The following PTGFRN variants were observed in gnomAD, a reference collection of about 807,000 sequenced individuals.
PTGFRN encodes prostaglandin F2 receptor negative regulator.
In PTGFRN, 35 loss-of-function variants were observed where a neutral mutation model predicts 83.2. The ratio of observed to expected loss-of-function variants is 0.42; its 90% CI spans 0.32 to 0.56. The LOEUF (loss-of-function observed/expected upper bound fraction) is 0.56, where lower values mean the gene tolerates loss of function less well. PTGFRN is among the 20% of genes least tolerant of loss of function. PTGFRN has a pLI of 0.11. For synonymous variants in PTGFRN, 519 were observed against 498.6 expected, an observed-to-expected ratio of 1.04 and a Z score of -0.55; for missense variants, 1,051 against 1,179.5, an observed-to-expected ratio of 0.89 and a Z score of 1.60.
intron 3 of PTGFRN, among the ~76,000 whole-genome samples, chr1:116,947,029 A>G (rs1175088938): frequency 1.3e-5 from 2 of 152,190 alleles, no homozygotes; most frequent in South Asian, 2.1e-4. Context: ...GAGATGCTAT[A>G]TTTCAGGTAC....
At position 116,961,564 on chromosome 1, in the gene PTGFRN, A is replaced by C. The variant is rs767384600; in HGVS notation, c.1535A>C (p.Asn512Thr). 1 of 1,614,206 alleles carries C rather than the reference A, an allele frequency of 6.2e-7. No individual in the cohort carries two copies. Among genetic ancestry groups the C allele is most frequent in the Non-Finnish European group, 8.5e-7 (1 of 1,180,036 alleles). Residue 512 changes from asparagine to threonine, a missense_variant, in exon 5 of 9, where the codon AAT becomes ACT. Coordinates refer to ENST00000393203, the MANE Select transcript of PTGFRN (RefSeq NM_020440.4). This position sits in a 1 kb window ranked among gnomAD's most constrained non-coding sequence, Gnocchi z 5.4. The stretch of plus-strand genomic sequence containing the variant: ...AGGACTACAGAGGAAGACAGAGGCA[A>C]TTATTACTGTGTTGTGTCTGCCTGG... ...IQRTTEEDRGNYYCVVSAWTK... is the reference protein window; with the variant it reads ...IQRTTEEDRGTYYCVVSAWTK...
intron 1 of PTGFRN, among the ~76,000 whole-genome samples, chr1:116,932,201 A>C (rs1649818338): frequency 6.6e-6 from 1 of 152,268 alleles, no homozygotes; most frequent in Non-Finnish European, 1.5e-5. Context: ...AAGCATAGAT[A>C]AATGAAGTGT....
At chr1:116,956,596 T>G (rs181343424) in intron 4 of PTGFRN, among the ~76,000 whole-genome samples, 103 of 152,092 alleles carry the variant, frequency 6.8e-4, no homozygotes, top group African/African-American at 2.3e-3. Flanking sequence ...TAGGGAATGG[T>G]GAGAGGTGCC....
intron 1 of PTGFRN, among the ~76,000 whole-genome samples, chr1:116,926,185 G>A (rs1310030115): frequency 6.6e-6 from 1 of 152,230 alleles, no homozygotes; most frequent in Non-Finnish European, 1.5e-5. Flanking sequence ...GAGTCGGGTT[G>A]GTGGGGAGTT....
At chr1:116,916,085 A>G (rs1465495569) in intron 1 of PTGFRN, among the ~76,000 whole-genome samples, 1 of 152,168 alleles carries the variant, frequency 6.6e-6, no homozygotes, top group Non-Finnish European at 1.5e-5. Flanking sequence ...GGCTCTGTGC[A>G]TTCGCTTGTG....
At chr1:116,950,560 T>G (rs192908858) in intron 4 of PTGFRN, among the ~76,000 whole-genome samples, 6 of 152,334 alleles carry the variant, frequency 3.9e-5, no homozygotes, top group Non-Finnish European at 7.3e-5. Flanking sequence ...CTGATTCTTC[T>G]GCTATGACCT....
At chr1:116,919,034 G>A (rs1260872971) in intron 1 of PTGFRN, among the ~76,000 whole-genome samples, 1 of 152,178 alleles carries the variant, frequency 6.6e-6, no homozygotes, top group Non-Finnish European at 1.5e-5. Context: ...AAAGTAGGAG[G>A]TGAGGATCAA....
intron 1 of PTGFRN, among the ~76,000 whole-genome samples, chr1:116,916,231 T>C (rs1457006632): frequency 6.6e-6 from 1 of 152,214 alleles, no homozygotes; most frequent in African/African-American, 2.4e-5. Flanking sequence ...TGTGAAAATA[T>C]TTACCTCACT....
chr1:116,925,627 T>C (rs1334109550), intron 1 of PTGFRN, among the ~76,000 whole-genome samples: 1 of 152,054 alleles, frequency 6.6e-6, no homozygotes, highest in Admixed American at 6.5e-5. Context: ...CATAGATGAA[T>C]TTGTCTGTTT....
chr1:116,945,227 G>A, intron 3 of PTGFRN, 135 bp downstream of exon 3: 1 of 1,148,238 alleles, frequency 8.7e-7, no homozygotes, highest in Non-Finnish European at 1.2e-6. Context: ...TTATTTTTAG[G>A]GGTGAAGGGA....
In PTGFRN at chr1:116,910,242, C is replaced by T; in HGVS notation, c.39C>T (p.Leu13=). ...RLASRPLLLA[L]LSLALCRGRV... ...CCTCGAGGCCGCTGCTGCTGGCGCT[C>T]CTGTCGTTGGGTGAGTGTGCGCGGG... Residue 13 remains leucine (L), a synonymous_variant, in exon 1 of 9, where the codon CTC becomes CTT. Coordinates refer to ENST00000393203, the MANE Select transcript of PTGFRN (RefSeq NM_020440.4). 6.9e-7 allele frequency: 1 copy of T among 1,454,454 alleles called. No individual in the cohort carries two copies. Among genetic ancestry groups the T allele is most frequent in the Non-Finnish European group, 9.0e-7 (1 of 1,109,884 alleles). 90.1% of individuals were successfully genotyped at this position (1,454,454 alleles called of 1,614,324 possible).
intron 6 of PTGFRN, among the ~76,000 whole-genome samples, chr1:116,969,540 C>A (rs528609778): frequency 1.3e-5 from 2 of 152,090 alleles, no homozygotes; most frequent in Non-Finnish European, 2.9e-5. Flanking sequence ...TTGGAGATTT[C>A]CAATTTTGTT....
chr1:116,961,149 A>G lies in PTGFRN; in HGVS notation c.1214-94A>G, dbSNP rs1650649176. 3.1e-6 allele frequency: 4 copies of G among 1,281,034 alleles called. No individual in the cohort carries two copies. The East Asian group carries it at 9.9e-5, about 32-fold the overall frequency. The allele number at this position is 1,281,034 out of a possible 1,614,324, so 79.4% of individuals were successfully genotyped here. The stretch of plus-strand genomic sequence containing the variant: ...CCGGCAGGAGAAGCATTTAATTGTT[A>G]AAACAAGAGCAGTCCTTGTCTCATT... On this transcript the variant is annotated intron_variant, in intron 4 of 8. Transcript: ENST00000393203. This position sits in a 1 kb window ranked among gnomAD's most constrained non-coding sequence, Gnocchi z 5.4.
intron 1 of PTGFRN, among the ~76,000 whole-genome samples, chr1:116,939,340 A>T (rs1344337681): frequency 6.6e-6 from 1 of 152,206 alleles, no homozygotes; most frequent in Admixed American, 6.5e-5. Context: ...CATCTGAAAT[A>T]GAGGAGGAGG....
intron 1 of PTGFRN, among the ~76,000 whole-genome samples, chr1:116,919,883 A>T (rs1387722587): frequency 6.6e-6 from 1 of 152,170 alleles, no homozygotes; most frequent in African/African-American, 2.4e-5. Context: ...CCTTCTACTC[A>T]CTAGTTTTGT....
At chr1:116,956,941 G>GA (rs1650515050) in intron 4 of PTGFRN, among the ~76,000 whole-genome samples, 1 of 151,872 alleles carries the variant, frequency 6.6e-6, no homozygotes, top group Non-Finnish European at 1.5e-5. Context: ...GAATGTGCGA[G>GA]ACTTAGGAAC....
intron 1 of PTGFRN, among the ~76,000 whole-genome samples, chr1:116,932,357 C>T (rs546389048): frequency 6.6e-6 from 1 of 152,292 alleles, no homozygotes; most frequent in African/African-American, 2.4e-5. Flanking sequence ...AGAAGAAAGT[C>T]GAAGGCATTT....
intron 5 of PTGFRN, among the ~76,000 whole-genome samples, chr1:116,965,913 G>C (rs958926973): frequency 6.6e-6 from 1 of 152,182 alleles, no homozygotes; most frequent in Non-Finnish European, 1.5e-5. Flanking sequence ...GGAAAATCAA[G>C]AAAGAATGTG....
chr1:116,972,123 G>A (rs1339531280), intron 6 of PTGFRN, among the ~76,000 whole-genome samples: 1 of 152,168 alleles, frequency 6.6e-6, no homozygotes, highest in Admixed American at 6.5e-5. Flanking sequence ...GCCTAATCCT[G>A]CCCCACCTCA....
Sources: gnomAD v4.1 joint callset for allele counts (sites outside exome capture counted in the v4.1 genomes callset) on GRCh38, gnomAD v4.1.1 for gene constraint, Gnocchi (gnomAD v3.1) non-coding constraint, MANE v1.5 for transcripts, NCBI Gene and HGNC (gene_info 2026-07-23, HGNC 2026-07-21) for gene names.